Variants in GRIN2A observed in about 807,000 individuals in gnomAD.
GRIN2A encodes glutamate ionotropic receptor NMDA type subunit 2A.
GRIN2A carries 22 observed loss-of-function variants against 113.4 expected under a neutral mutation model. That is an observed-to-expected ratio of 0.19 (90% CI 0.14 to 0.28). The LOEUF (loss-of-function observed/expected upper bound fraction) is 0.28, where lower values mean the gene tolerates loss of function less well. Ranked by LOEUF, GRIN2A falls within the 10% of genes least tolerant of loss-of-function variation. The probability of loss-of-function intolerance (pLI) is 1.00; values close to 1 mark genes in which losing one functional copy is unlikely to be tolerated. For missense variants in GRIN2A, 1,502 were observed against 1,887.0 expected, an observed-to-expected ratio of 0.80 and a Z score of 3.78; for synonymous variants, 827 against 738.4, an observed-to-expected ratio of 1.12 and a Z score of -1.94.
intron 2 of GRIN2A, among the ~76,000 whole-genome samples, chr16:9,946,622 C>G (rs1163568353): frequency 1.3e-5 from 2 of 152,188 alleles, no homozygotes; most frequent in Non-Finnish European, 2.9e-5. Context: ...TTTCCTCTCT[C>G]TCAGTCAAGC....
chr16:9,767,006 C>T (rs185613275), intron 12 of GRIN2A, among the ~76,000 whole-genome samples: 10 of 152,348 alleles, frequency 6.6e-5, no homozygotes, highest in Admixed American at 5.2e-4. Flanking sequence ...AGGAAATGCT[C>T]TTCCAAAAAC....
At chr16:10,158,931 T>C (rs777548123) in intron 2 of GRIN2A, among the ~76,000 whole-genome samples, 2 of 152,200 alleles carry the variant, frequency 1.3e-5, no homozygotes, top group South Asian at 2.1e-4. Context: ...ATGTGTATTA[T>C]ATCACAATAA....
intron 2 of GRIN2A, among the ~76,000 whole-genome samples, chr16:10,045,436 C>G (rs548302034): frequency 6.6e-6 from 1 of 151,924 alleles, no homozygotes; most frequent in East Asian, 1.9e-4. Flanking sequence ...CACTGGCTCC[C>G]GAATGTTCTG....
At position 10,111,347 on chromosome 16, in the gene GRIN2A, C is replaced by T. The variant is rs547771603; in HGVS notation, c.414+68651G>A. On this transcript the variant is annotated intron_variant, in intron 2 of 12. Coordinates refer to ENST00000330684, the MANE Select transcript of GRIN2A (RefSeq NM_001134407.3). ...GCGGCAGCAGCGGCAGGCGGCCGCG[C>T]GGGTGTTTGTCGCTTCGCGGGGCCT... The T allele has an allele frequency of 1.0e-4, 41 of 411,824 alleles. No homozygotes were observed. The Admixed American group carries it at 1.0e-3, about 11-fold the overall frequency. 25.5% of individuals were successfully genotyped at this position (411,824 alleles called of 1,614,324 possible). A position where few individuals can be genotyped will look rare whatever the true frequency, so the allele number is the denominator to read the frequency against.
chr16:9,983,143 C>G (rs538078253), intron 2 of GRIN2A, among the ~76,000 whole-genome samples: 25 of 152,220 alleles, frequency 1.6e-4, no homozygotes, highest in African/African-American at 6.0e-4. Context: ...GCTTTTCTAG[C>G]TATTTAAAAA....
chr16:9,997,137 G>C (rs979994048), intron 2 of GRIN2A, among the ~76,000 whole-genome samples: 81 of 152,182 alleles, frequency 5.3e-4, no homozygotes, highest in African/African-American at 1.9e-3. Flanking sequence ...TGATTGCTGA[G>C]TTAAAACTCA....
rs558705827 is a variant in GRIN2A, at chr16:10,078,659, C to T, written c.414+101339G>A. 6.6e-5 allele frequency among the ~76,000 whole-genome samples: 10 copies of T among 152,290 alleles called. No homozygotes were observed. The East Asian group carries it at 9.7e-4, about 15-fold the overall frequency. ...TCTGCCCTCGGTTGCTACTGCCCTG[C>T]GAGGCAACCTCGAGGCTGGGAATCT... On this transcript the variant is annotated intron_variant, in intron 2 of 12. Transcript: ENST00000330684.
intron 2 of GRIN2A, among the ~76,000 whole-genome samples, chr16:10,072,147 G>T (rs778316801): frequency 6.6e-6 from 1 of 152,176 alleles, no homozygotes; most frequent in Non-Finnish European, 1.5e-5. Flanking sequence ...TTTCACCATC[G>T]TGAGAGTGAG....
chr16:10,070,608 A>G (rs2047731056), intron 2 of GRIN2A, among the ~76,000 whole-genome samples: 1 of 152,176 alleles, frequency 6.6e-6, no homozygotes. Context: ...ACACTGAGAT[A>G]TTTATAAGGT....
intron 2 of GRIN2A, among the ~76,000 whole-genome samples, chr16:9,944,070 T>C (rs1479386646): frequency 6.6e-6 from 1 of 152,118 alleles, no homozygotes; most frequent in Non-Finnish European, 1.5e-5. Flanking sequence ...AATTGGTCAC[T>C]ATTGTCAACC....
chr16:9,923,075 A>G (rs2044388066), intron 3 of GRIN2A, among the ~76,000 whole-genome samples: 1 of 152,106 alleles, frequency 6.6e-6, no homozygotes, highest in African/African-American at 2.4e-5. Context: ...GAGTATTGAA[A>G]TCTCCTACTA....
intron 3 of GRIN2A, among the ~76,000 whole-genome samples, chr16:9,931,088 CT>C (rs1375505845): frequency 6.6e-6 from 1 of 152,042 alleles, no homozygotes. Context: ...TGGGATAAGA[CT>C]TTTTTTGCCC....
chr16:9,968,169 C>T (rs551612676), intron 2 of GRIN2A, among the ~76,000 whole-genome samples: 1 of 152,090 alleles, frequency 6.6e-6, no homozygotes, highest in Non-Finnish European at 1.5e-5. Flanking sequence ...CCCGACACTC[C>T]CCCTATCCAT....
intron 7 of GRIN2A, among the ~76,000 whole-genome samples, chr16:9,838,237 G>A (rs2042614514): frequency 6.6e-6 from 1 of 152,114 alleles, no homozygotes; most frequent in Non-Finnish European, 1.5e-5. Context: ...TCCCAGGGGG[G>A]AGATTTCTCA....
At chr16:9,867,454 C>T (rs1041358723) in intron 4 of GRIN2A, among the ~76,000 whole-genome samples, 1 of 152,178 alleles carries the variant, frequency 6.6e-6, no homozygotes, top group Admixed American at 6.5e-5. Flanking sequence ...TGCCTCTGCA[C>T]ACATGTCTTT....
chr16:10,050,043 G>A (rs900070751), intron 2 of GRIN2A, among the ~76,000 whole-genome samples: 2 of 152,186 alleles, frequency 1.3e-5, no homozygotes, highest in African/African-American at 4.8e-5. Flanking sequence ...CCAAGAACCT[G>A]TGAATATGTT....
At chr16:10,043,504 A>T (rs2047201969) in intron 2 of GRIN2A, among the ~76,000 whole-genome samples, 1 of 152,190 alleles carries the variant, frequency 6.6e-6, no homozygotes, top group African/African-American at 2.4e-5. Flanking sequence ...AAAGCAGGAC[A>T]GGTCTTGATG....
At chr16:9,842,009 T>G (rs528972622) in intron 5 of GRIN2A, among the ~76,000 whole-genome samples, 2 of 152,250 alleles carry the variant, frequency 1.3e-5, no homozygotes, top group East Asian at 3.9e-4. Context: ...CCCAGCACTT[T>G]CGGAGGCTGT....
intron 2 of GRIN2A, among the ~76,000 whole-genome samples, chr16:10,098,938 C>A (rs1296959811): frequency 7.9e-6 from 1 of 126,878 alleles, no homozygotes; most frequent in Non-Finnish European, 1.9e-5. Flanking sequence ...CCCCCTCCCC[C>A]CCCCAAAAAA....
Sources: allele counts gnomAD v4.1 joint callset (sites outside exome capture counted in the v4.1 genomes callset), GRCh38; gene constraint gnomAD v4.1.1; transcripts MANE v1.5; gene names NCBI Gene and HGNC (gene_info 2026-07-23, HGNC 2026-07-21).